SERPINB6: variants seen among roughly 807,000 people sequenced by gnomAD.
SERPINB6 encodes the protein serpin family B member 6.
A neutral mutation model predicts 26.1 loss-of-function variants in SERPINB6; 16 were observed. The observed-to-expected ratio is 0.61, with a 90% CI of 0.42 to 0.93. The LOEUF (loss-of-function observed/expected upper bound fraction) is 0.93. Among genes scored for constraint, SERPINB6 ranks in the 40% least tolerant of loss-of-function variants. The pLI is 0.00. For synonymous variants in SERPINB6, 174 were observed against 176.6 expected, an observed-to-expected ratio of 0.99 and a Z score of 0.11; for missense variants, 420 against 478.0, an observed-to-expected ratio of 0.88 and a Z score of 1.13.
At chr6:2,962,522 T>C (rs1345726260) in intron 1 of SERPINB6, among the ~76,000 whole-genome samples, 2 of 152,150 alleles carry the variant, frequency 1.3e-5, no homozygotes, top group Admixed American at 6.5e-5. Context: ...TACCAGATAA[T>C]CTGGGTTCCC....
intron 1 of SERPINB6, chr6:2,959,578 C>T: frequency 1.9e-6 from 1 of 538,084 alleles, no homozygotes; most frequent in South Asian, 2.0e-5. Context: ...GAGGACTCCT[C>T]CCTGCACGCC....
chr6:2,953,262 C>T, intron 4 of SERPINB6, 76 bp from the exon 5 acceptor site: 14 of 1,595,742 alleles, frequency 8.8e-6, no homozygotes, highest in Non-Finnish European at 1.2e-5. Flanking sequence ...CGGCTGGGGC[C>T]TTCTCCTTCA....
rs1769430606 is a variant in SERPINB6, at chr6:2,948,855, C to T, written c.729+59G>A. 3.1e-6 allele frequency: 5 copies of T among 1,610,302 alleles called. No homozygotes were observed. The African/African-American group carries it at 4.0e-5, about 13-fold the overall frequency. ...GACCGCAAAGTAGGGACAGCAGCCA[C>T]AGCAGACACCCCCGAGTGGCTCCTT... On this transcript the variant is annotated intron_variant, in intron 6 of 6. Transcript: ENST00000380539. This position sits in a 1 kb window ranked among gnomAD's most constrained non-coding sequence, Gnocchi z 5.0.
intron 5 of SERPINB6, among the ~76,000 whole-genome samples, chr6:2,950,516 G>A (rs182980225): frequency 1.4e-3 from 183 of 128,738 alleles, no homozygotes; most frequent in African/African-American, 5.3e-3. Context: ...CTGGGAGACA[G>A]ACCGAGACTC....
chr6:2,967,026 A>C lies in SERPINB6; in HGVS notation c.-11+4507T>G. 1 of 985,470 alleles carries C rather than the reference A, an allele frequency of 1.0e-6. No homozygotes were observed. Among genetic ancestry groups the C allele is most frequent in the Non-Finnish European group, 1.2e-6 (1 of 829,950 alleles). 61.0% of individuals were successfully genotyped at this position (985,470 alleles called of 1,614,324 possible). On this transcript the variant is annotated intron_variant, in intron 1 of 6. Transcript: ENST00000380539. This position sits in a 1 kb window ranked among gnomAD's most constrained non-coding sequence, Gnocchi z 4.3. Reference sequence around the variant, plus strand: ...TTTGTTCTCTTTTTCTGTCAAGTACAAAACTCTTAGACTGATATCATCTGG... The same window carrying C: ...TTTGTTCTCTTTTTCTGTCAAGTACCAAACTCTTAGACTGATATCATCTGG...
chr6:2,952,494 C>T (rs1170887557), intron 5 of SERPINB6, among the ~76,000 whole-genome samples: 2 of 152,360 alleles, frequency 1.3e-5, no homozygotes, highest in Middle Eastern at 3.4e-3. Context: ...ATCTCAGTGT[C>T]TATCTACATG....
At chr6:2,949,936 T>C (rs1239652669) in intron 5 of SERPINB6, among the ~76,000 whole-genome samples, 6 of 152,190 alleles carry the variant, frequency 3.9e-5, no homozygotes, top group African/African-American at 1.2e-4. Flanking sequence ...CGCAGTAAGC[T>C]TGTCCTCCAG....
Position 2,967,282 on chromosome 6 carries a change from A to G in SERPINB6, c.-11+4251T>C, listed in dbSNP as rs746839118. The stretch of plus-strand genomic sequence containing the variant: ...CCCTTCCTTACATACACCATGTACA[A>G]AAATCAACTCAAGATGGATTAAAGG... On this transcript the variant is annotated intron_variant, in intron 1 of 6. Transcript: ENST00000380539. The surrounding 1 kb of genome is among the most constrained non-coding windows in gnomAD (Gnocchi z 4.3). 9 of 941,944 alleles carry G rather than the reference A, an allele frequency of 9.6e-6. No individual in the cohort carries two copies. The highest frequency in any genetic ancestry group is 1.1e-5 in the Non-Finnish European group (9 of 790,450). The allele number at this position is 941,944 out of a possible 1,614,324, so 58.3% of individuals were successfully genotyped here.
At chr6:2,952,513 G>C (rs1769928575) in intron 5 of SERPINB6, among the ~76,000 whole-genome samples, 1 of 152,214 alleles carries the variant, frequency 6.6e-6, no homozygotes, top group Non-Finnish European at 1.5e-5. Flanking sequence ...TGTTTGGTTT[G>C]GTTGTTTTAA....
chr6:2,953,942 A>C (rs1248309102), intron 4 of SERPINB6, among the ~76,000 whole-genome samples: 13 of 152,098 alleles, frequency 8.5e-5, no homozygotes. Context: ...AGATAGGAGA[A>C]TCACTTGAAC....
rs1000725437 is a variant in SERPINB6 at position 2,962,015 on chromosome 6, G to A, written c.-10-2673C>T. 6.1e-6 allele frequency: 6 copies of A among 985,004 alleles called. No individual in the cohort carries two copies. The African/African-American group carries it at 7.0e-5, about 11-fold the overall frequency. The allele number at this position is 985,004 out of a possible 1,614,324, so 61.0% of individuals were successfully genotyped here. On this transcript the variant is annotated intron_variant, in intron 1 of 6. Transcript: ENST00000380539. Reference sequence around the variant, plus strand: ...TGCTGAGATTACAGCCATGCACCACGCCCAGCCTAAAGGACTTTTAATTCA... The same window carrying A: ...TGCTGAGATTACAGCCATGCACCACACCCAGCCTAAAGGACTTTTAATTCA...
At chr6:2,971,646 C>G (rs1772191981), upstream of SERPINB6, 1 of 152,114 alleles carries the variant, frequency 6.6e-6, no homozygotes, top group Non-Finnish European at 1.5e-5. Flanking sequence ...TACCGTCGCC[C>G]GTCCGGAGCG....
rs982220603 is a variant in SERPINB6, at chr6:2,971,021, G to A, written c.-11+512C>T. Reference sequence around the variant, plus strand: ...CTCGGCCTCTCTCCGCCTCCCGCCCGGCTCCTAACACCCGGCGCCCCAAGA... The same window carrying A: ...CTCGGCCTCTCTCCGCCTCCCGCCCAGCTCCTAACACCCGGCGCCCCAAGA... On this transcript the variant is annotated intron_variant, in intron 1 of 6. Transcript: ENST00000380539. The A allele has an allele frequency of 7.4e-6, 9 of 1,216,370 alleles. No individual in the cohort carries two copies. The African/African-American group carries it at 1.2e-4, about 17-fold the overall frequency. 75.3% of individuals were successfully genotyped at this position (1,216,370 alleles called of 1,614,324 possible).
chr6:2,952,433 G>A (rs1029678164), intron 5 of SERPINB6, among the ~76,000 whole-genome samples: 1 of 152,240 alleles, frequency 6.6e-6, no homozygotes, highest in African/African-American at 2.4e-5. Flanking sequence ...TTCAGTGAGA[G>A]GAAGATAAAG....
chr6:2,965,805 T>G (rs944091788), intron 1 of SERPINB6, among the ~76,000 whole-genome samples: 1 of 152,244 alleles, frequency 6.6e-6, no homozygotes, highest in Non-Finnish European at 1.5e-5. Context: ...AAAATTAATC[T>G]TATGGGGTTA....
At chr6:2,970,987 G>C in intron 1 of SERPINB6, 11 of 1,165,606 alleles carry the variant, frequency 9.4e-6, no homozygotes, top group Non-Finnish European at 1.1e-5. Flanking sequence ...ACCGTTTGGC[G>C]CCGAACCCCT....
intron 1 of SERPINB6, chr6:2,966,904 G>T: frequency 1.0e-6 from 1 of 975,048 alleles, no homozygotes; most frequent in Non-Finnish European, 1.2e-6. Flanking sequence ...ATCTTTCCAC[G>T]TTGGCTTCCC....
intron 1 of SERPINB6, among the ~76,000 whole-genome samples, chr6:2,964,790 ATAC>A (rs1208846301): frequency 1.3e-5 from 2 of 152,232 alleles, no homozygotes; most frequent in Non-Finnish European, 2.9e-5. Context: ...CATAACGTGT[ATAC>A]TACTATTTTT....
chr6:2,970,724 CAA>C (rs70995402), intron 1 of SERPINB6: 18,831 of 1,021,424 alleles, frequency 0.018, no homozygotes, highest in Middle Eastern at 0.025. Context: ...ATCTTTAGGA[CAA>C]AAAAAAAAAA....
Sources: gnomAD v4.1 joint callset for allele counts (sites outside exome capture counted in the v4.1 genomes callset) on GRCh38, gnomAD v4.1.1 for gene constraint, Gnocchi (gnomAD v3.1) non-coding constraint, MANE v1.5 for transcripts, NCBI Gene and HGNC (gene_info 2026-07-23, HGNC 2026-07-21) for gene names.